Variants in ZNF280C observed in about 807,000 individuals in gnomAD.
The protein encoded by ZNF280C is zinc finger protein 280C.
Under a neutral mutation model 53.6 loss-of-function variants are expected in ZNF280C, and 14 were observed. That is an observed-to-expected ratio of 0.26 (90% confidence interval 0.17 to 0.41). The LOEUF is 0.41. ZNF280C is among the 10% of genes least tolerant of loss of function. ZNF280C has a pLI of 1.00. For missense variants in ZNF280C, 416 were observed against 547.1 expected, an observed-to-expected ratio of 0.76 and a Z score of 2.39; for synonymous variants, 203 against 181.1, an observed-to-expected ratio of 1.12 and a Z score of -0.97.
chrX:130,252,889 C>A (rs1296932629), intron 2 of ZNF280C, among the ~76,000 whole-genome samples: 1 of 111,636 alleles, frequency 9.0e-6, no homozygotes, highest in African/African-American at 3.3e-5. Context: ...CGTTCCTATT[C>A]AACACAGTAT....
chrX:130,249,015 G>A (rs1307313705), intron 2 of ZNF280C, among the ~76,000 whole-genome samples: 2 of 111,550 alleles, frequency 1.8e-5, no homozygotes, highest in Non-Finnish European at 3.8e-5. Flanking sequence ...CACAGAGCCC[G>A]CAAGACCTGT....
chrX:130,223,172 C>G (rs1029764857), intron 12 of ZNF280C, among the ~76,000 whole-genome samples: 3 of 110,628 alleles, frequency 2.7e-5, no homozygotes, highest in African/African-American at 6.6e-5. Flanking sequence ...ATTCTCCCCC[C>G]TCAGCCTACG....
chrX:130,213,818 C>G (rs2032070384), intron 15 of ZNF280C, among the ~76,000 whole-genome samples: 1 of 111,538 alleles, frequency 9.0e-6, no homozygotes, highest in Admixed American at 9.5e-5. Flanking sequence ...GGCTGACCAC[C>G]AAAGGGAAAA....
chrX:130,250,313 A>C (rs192685710), intron 2 of ZNF280C, among the ~76,000 whole-genome samples: 1 of 111,981 alleles, frequency 8.9e-6, no homozygotes, highest in Admixed American at 9.5e-5. Flanking sequence ...AAGGAGATTG[A>C]GACAAGAAAA....
chrX:130,260,490 T>G (rs2032620181), intron 1 of ZNF280C, 25 bp from the exon 2 acceptor site: 9 of 1,133,142 alleles, frequency 7.9e-6, no homozygotes, highest in Non-Finnish European at 1.1e-5. Context: ...ATGACATCAA[T>G]CAATGTTATG....
chrX:130,222,933 C>T (rs2124701379), intron 12 of ZNF280C, among the ~76,000 whole-genome samples: 1 of 112,418 alleles, frequency 8.9e-6, no homozygotes, highest in Admixed American at 9.4e-5. Flanking sequence ...AGGCATGAGC[C>T]ACTGTGCCCA....
intron 5 of ZNF280C, among the ~76,000 whole-genome samples, chrX:130,241,748 A>C (rs1323525999): frequency 2.7e-5 from 3 of 111,809 alleles, no homozygotes; most frequent in Non-Finnish European, 5.6e-5. Flanking sequence ...TGGGTGACAG[A>C]GCAAGACCCT....
At chrX:130,252,602 C>A (rs1444782860) in intron 2 of ZNF280C, among the ~76,000 whole-genome samples, 1 of 110,355 alleles carries the variant, frequency 9.1e-6, no homozygotes, top group African/African-American at 3.3e-5. Flanking sequence ...TGTCTGCAGT[C>A]CCAGCTACTT....
chrX:130,209,009 T>C (rs2032012918), intron 16 of ZNF280C, among the ~76,000 whole-genome samples: 1 of 112,264 alleles, frequency 8.9e-6, no homozygotes, highest in Admixed American at 9.4e-5. Context: ...CATGAGTATG[T>C]TTTAAAAATA....
chrX:130,236,878 T>C (rs1464107743), intron 6 of ZNF280C, among the ~76,000 whole-genome samples: 1 of 111,296 alleles, frequency 9.0e-6, no homozygotes, highest in Non-Finnish European at 1.9e-5. Flanking sequence ...TACATATCTT[T>C]ACTTCACAAA....
chrX:130,216,627 G>A (rs1039727269), intron 13 of ZNF280C, among the ~76,000 whole-genome samples: 1 of 112,148 alleles, frequency 8.9e-6, no homozygotes, highest in Non-Finnish European at 1.9e-5. Flanking sequence ...ACAATAACAA[G>A]TATTGGCTAG....
At chrX:130,260,509 T>C in intron 1 of ZNF280C, 44 bp from the exon 2 acceptor site, 1 of 1,022,041 alleles carries the variant, frequency 9.8e-7, no homozygotes, top group Admixed American at 2.5e-5. Flanking sequence ...TGAGTCACTT[T>C]AAGTAACACC....
At chrX:130,244,757 G>A (rs1271315852) in intron 3 of ZNF280C, among the ~76,000 whole-genome samples, 1 of 95,081 alleles carries the variant, frequency 1.1e-5, no homozygotes, top group Non-Finnish European at 2.1e-5. Context: ...CAGCCTGGGC[G>A]ACAGAGCGAG....
At chrX:130,256,686 AGT>A (rs1220308556) in intron 2 of ZNF280C, among the ~76,000 whole-genome samples, 1 of 110,852 alleles carries the variant, frequency 9.0e-6, no homozygotes, top group Non-Finnish European at 1.9e-5. Context: ...TGAGGTCAGG[AGT>A]GTGAGACCAG....
intron 16 of ZNF280C, among the ~76,000 whole-genome samples, chrX:130,209,367 C>T (rs184000184): frequency 3.2e-3 from 357 of 111,913 alleles, no homozygotes; most frequent in Non-Finnish European, 5.1e-3. Flanking sequence ...ATTATGAAGG[C>T]TATATATTGA....
At chrX:130,209,586 CA>C in intron 16 of ZNF280C, 66 bp downstream of exon 16, 1 of 1,001,236 alleles carries the variant, frequency 1.0e-6, no homozygotes, top group Non-Finnish European at 1.4e-6. Flanking sequence ...GCAGGCACTC[CA>C]ACATCAAGTT....
intron 2 of ZNF280C, among the ~76,000 whole-genome samples, chrX:130,248,675 C>A (rs1185401359): frequency 8.9e-6 from 1 of 111,877 alleles, no homozygotes; most frequent in Non-Finnish European, 1.9e-5. Flanking sequence ...CCCATTCCCT[C>A]TTGCAGTACA....
intron 1 of ZNF280C, among the ~76,000 whole-genome samples, chrX:130,263,633 G>A (rs1448284214): frequency 9.0e-6 from 1 of 111,719 alleles, no homozygotes; most frequent in Non-Finnish European, 1.9e-5. Flanking sequence ...ATTAACTGTG[G>A]TGCTAGCTGC....
intron 1 of ZNF280C, among the ~76,000 whole-genome samples, chrX:130,266,568 T>A (rs1236634552): frequency 9.0e-6 from 1 of 110,796 alleles, no homozygotes; most frequent in African/African-American, 3.3e-5. Flanking sequence ...TGTATACATA[T>A]CAAAACATCA....
Sources: allele counts gnomAD v4.1 joint callset (sites outside exome capture counted in the v4.1 genomes callset), GRCh38; gene constraint gnomAD v4.1.1; transcripts MANE v1.5; gene names NCBI Gene and HGNC (gene_info 2026-07-23, HGNC 2026-07-21).